Variants in TAS2R1 observed in about 807,000 individuals in gnomAD.
TAS2R1 encodes the protein taste receptor type 2 member 1.
For missense variants in TAS2R1, 370 were observed against 353.4 expected, an observed-to-expected ratio of 1.05 and a Z score of -0.38; for synonymous variants, 141 against 134.2, an observed-to-expected ratio of 1.05 and a Z score of -0.35.
At chr5:9,881,025 A>C in the TAS2R1 span, among the ~76,000 whole-genome samples, 5 of 152,254 alleles carry the variant, frequency 3.3e-5, no homozygotes, top group African/African-American at 1.2e-4. Context: ...GTGGATCAGC[A>C]GACTTAGTCT....
chr5:9,693,620 G>A (rs896198171), intron 1 of TAS2R1, among the ~76,000 whole-genome samples: 2 of 142,184 alleles, frequency 1.4e-5, no homozygotes, highest in African/African-American at 5.1e-5. Flanking sequence ...CCTCAAGTCT[G>A]TTTTTTTTTT....
At chr5:9,694,885 A>G (rs1404950883) in intron 1 of TAS2R1, among the ~76,000 whole-genome samples, 2 of 152,160 alleles carry the variant, frequency 1.3e-5, no homozygotes, top group African/African-American at 4.8e-5. Context: ...TTATTTCACT[A>G]TTAAAGGATT....
chr5:9,719,939 C>CAAA, the TAS2R1 span, among the ~76,000 whole-genome samples: 3 of 91,108 alleles, frequency 3.3e-5, no homozygotes, highest in African/African-American at 8.8e-5. Flanking sequence ...AAAAAAAAAA[C>CAAA]AAAAACAAAA....
At chr5:9,791,930 A>T in the TAS2R1 span, among the ~76,000 whole-genome samples, 1 of 152,338 alleles carries the variant, frequency 6.6e-6, no homozygotes, top group Middle Eastern at 3.4e-3. Context: ...CTTCACCGTC[A>T]AGATCACTGT....
At chr5:9,854,553 A>T in the TAS2R1 span, 1 of 152,228 alleles carries the variant, frequency 6.6e-6, no homozygotes, top group African/African-American at 2.4e-5. Context: ...TGAAGGTAAG[A>T]TGAGACTCAA....
rs1454699982 is a variant in TAS2R1 at position 9,629,323 on chromosome 5, T to A, written c.710A>T (p.Tyr237Phe). 2 of 1,613,524 alleles carry A rather than the reference T, an allele frequency of 1.2e-6. No individual in the cohort carries two copies. The highest frequency in any genetic ancestry group is 1.7e-6 in the Non-Finnish European group (2 of 1,179,822). ...LLSILSFLIL[Y>F]FSHCMIKVFL... ...AACTTTTATCATGCAGTGGGAGAAGTAGAGGATCAGGAAGGACAGGATAGA... is the reference window on the plus strand; with the variant it reads ...AACTTTTATCATGCAGTGGGAGAAGAAGAGGATCAGGAAGGACAGGATAGA... The change falls in exon 1 of 1, where the codon TAC (tyrosine) becomes TTC (phenylalanine). Residue 237 changes from tyrosine (Y) to phenylalanine (F), a missense_variant. Coordinates refer to ENST00000382492, the MANE Select transcript of TAS2R1 (RefSeq NM_019599.3).
chr5:9,887,758 A>G, the TAS2R1 span, among the ~76,000 whole-genome samples: 7 of 152,238 alleles, frequency 4.6e-5, no homozygotes, highest in African/African-American at 1.4e-4. Context: ...ATGTCAATGA[A>G]CAAGTGCAAT....
chr5:9,801,079 C>A, the TAS2R1 span, among the ~76,000 whole-genome samples: 1 of 152,192 alleles, frequency 6.6e-6, no homozygotes, highest in Non-Finnish European at 1.5e-5. Flanking sequence ...ATAATCCCAG[C>A]TTCTCAGGAG....
chr5:9,677,862 A>G (rs1446516013), intron 1 of TAS2R1, among the ~76,000 whole-genome samples: 1 of 152,182 alleles, frequency 6.6e-6, no homozygotes, highest in Non-Finnish European at 1.5e-5. Context: ...ATACAAGAGC[A>G]CACATGTGAA....
intron 1 of TAS2R1, among the ~76,000 whole-genome samples, chr5:9,711,101 T>A (rs921629126): frequency 6.6e-6 from 1 of 151,760 alleles, no homozygotes; most frequent in Non-Finnish European, 1.5e-5. Context: ...AAAAACACTA[T>A]GGAGATCATC....
chr5:9,769,487 A>G, the TAS2R1 span, among the ~76,000 whole-genome samples: 1 of 152,218 alleles, frequency 6.6e-6, no homozygotes, highest in African/African-American at 2.4e-5. Flanking sequence ...AAGAACCTCC[A>G]AACTGTTCTC....
chr5:9,889,442 G>T, the TAS2R1 span, among the ~76,000 whole-genome samples: 3 of 152,170 alleles, frequency 2.0e-5, no homozygotes, highest in Non-Finnish European at 4.4e-5. Context: ...CCCAGCTATG[G>T]CTAAAAATAC....
chr5:9,882,626 CA>C, the TAS2R1 span, among the ~76,000 whole-genome samples: 1 of 151,888 alleles, frequency 6.6e-6, no homozygotes, highest in African/African-American at 2.4e-5. Context: ...ACTCTTGTCT[CA>C]AAAAATATAA....
chr5:9,682,872 C>T (rs4702638), intron 1 of TAS2R1, among the ~76,000 whole-genome samples: 1 of 151,924 alleles, frequency 6.6e-6, no homozygotes, highest in South Asian at 2.1e-4. Flanking sequence ...CTGCCAGTGG[C>T]CTCATTGTTT....
rs1369304176 is a variant in TAS2R1, at chr5:9,628,992, A to G, written c.*141T>C. ...CTTGAAAAAGTAGCATATCCACAGA[A>G]ATACCTCAGGCTGGATAAACAGGCC... On this transcript the variant is annotated 3_prime_UTR_variant, in exon 1 of 1. Transcript: ENST00000382492. 2.0e-5 allele frequency: 17 copies of G among 845,210 alleles called. No homozygotes were observed. The highest frequency in any genetic ancestry group is 2.7e-5 in the Non-Finnish European group (16 of 586,306). The allele number at this position is 845,210 out of a possible 1,614,324, so 52.4% of individuals were successfully genotyped here. A position where few individuals can be genotyped will look rare whatever the true frequency, so the allele number is the denominator to read the frequency against.
At chr5:9,660,986 G>C (rs544547539) in intron 1 of TAS2R1, among the ~76,000 whole-genome samples, 7 of 152,274 alleles carry the variant, frequency 4.6e-5, no homozygotes, top group African/African-American at 1.7e-4. Context: ...GAATGAACAA[G>C]GTGATCTTTT....
At chr5:9,864,349 C>T in the TAS2R1 span, among the ~76,000 whole-genome samples, 4 of 152,152 alleles carry the variant, frequency 2.6e-5, no homozygotes, top group South Asian at 2.1e-4. Context: ...GTAGCCTGGC[C>T]GGGTGCAGTG....
chr5:9,725,217 G>C, the TAS2R1 span, among the ~76,000 whole-genome samples: 1 of 152,250 alleles, frequency 6.6e-6, no homozygotes, highest in Non-Finnish European at 1.5e-5. Context: ...GGCGGCACTT[G>C]AGCCCTTCAG....
chr5:9,783,904 G>A, the TAS2R1 span, among the ~76,000 whole-genome samples: 1 of 152,186 alleles, frequency 6.6e-6, no homozygotes, highest in Non-Finnish European at 1.5e-5. Flanking sequence ...GAAGGTCCTG[G>A]TTAGGAGCCC....
Sources: allele counts gnomAD v4.1 joint callset (sites outside exome capture counted in the v4.1 genomes callset), GRCh38; gene constraint gnomAD v4.1.1; transcripts MANE v1.5; gene names NCBI Gene and HGNC (gene_info 2026-07-23, HGNC 2026-07-21).